The following REEP1 variants were observed in gnomAD, a reference collection of about 807,000 sequenced individuals.
REEP1 encodes the protein receptor expression-enhancing protein 1.
Under a neutral mutation model 40.3 loss-of-function variants are expected in REEP1, and 22 were observed. The observed-to-expected ratio is 0.55, with a 90% confidence interval of 0.39 to 0.78. The LOEUF (loss-of-function observed/expected upper bound fraction) is 0.78. Among genes scored for constraint, REEP1 ranks in the 30% least tolerant of loss-of-function variants. The probability of loss-of-function intolerance (pLI) is 0.00; values close to 1 mark genes in which losing one functional copy is unlikely to be tolerated. For synonymous variants in REEP1, 116 were observed against 139.2 expected (o/e 0.83, Z 1.17); for missense variants, 280 against 361.1 (o/e 0.78, Z 1.82).
At chr2:86,271,760 G>T (rs1677467190) in intron 2 of REEP1, among the ~76,000 whole-genome samples, 1 of 152,224 alleles carries the variant, frequency 6.6e-6, no homozygotes, top group Non-Finnish European at 1.5e-5. Context: ...TTGTCCAGTG[G>T]TAAAGTCTAT....
intron 2 of REEP1, among the ~76,000 whole-genome samples, chr2:86,279,481 G>A (rs1234810316): frequency 6.6e-6 from 1 of 152,200 alleles, no homozygotes; most frequent in East Asian, 1.9e-4. Flanking sequence ...AGGTGTGATA[G>A]GCACAACAAT....
intron 1 of REEP1, among the ~76,000 whole-genome samples, chr2:86,319,458 ACG>A (rs1680183893): frequency 1.4e-5 from 2 of 146,844 alleles, no homozygotes; most frequent in East Asian, 2.0e-4. Context: ...TGGCTCACTC[ACG>A]CCTGTACCCC....
At chr2:86,221,698 T>C (rs998279250) in intron 7 of REEP1, among the ~76,000 whole-genome samples, 1 of 152,132 alleles carries the variant, frequency 6.6e-6, no homozygotes, top group East Asian at 1.9e-4. Flanking sequence ...TCCCTCAGTC[T>C]CTCTGAGCAC....
chr2:86,310,144 C>T (rs957603418), intron 1 of REEP1, among the ~76,000 whole-genome samples: 3 of 152,200 alleles, frequency 2.0e-5, no homozygotes, highest in Non-Finnish European at 4.4e-5. Context: ...CTGTCTTATT[C>T]AGCATCGCCT....
intron 2 of REEP1, among the ~76,000 whole-genome samples, chr2:86,273,098 A>G (rs1677548115): frequency 6.6e-6 from 1 of 151,002 alleles, no homozygotes. Context: ...CTGTGATTAT[A>G]CCACTGTACT....
chr2:86,255,247 G>C (rs763465319), intron 3 of REEP1, among the ~76,000 whole-genome samples: 21 of 146,366 alleles, frequency 1.4e-4, no homozygotes, highest in Non-Finnish European at 2.6e-4. Flanking sequence ...ACACCAGGGG[G>C]AATTACAGCA....
At chr2:86,304,833 C>A (rs1679410935) in intron 1 of REEP1, among the ~76,000 whole-genome samples, 1 of 152,212 alleles carries the variant, frequency 6.6e-6, no homozygotes, top group Non-Finnish European at 1.5e-5. Context: ...AATATAGAAT[C>A]ATGGCTGAGA....
intron 6 of REEP1, 47 bp from the exon 7 acceptor site, chr2:86,227,445 C>G (rs943961791): frequency 8.1e-7 from 1 of 1,230,066 alleles, no homozygotes; most frequent in Admixed American, 4.2e-5. Flanking sequence ...CCCCACTGGA[C>G]AGGAACCAGC....
chr2:86,309,379 C>A (rs545070259), intron 1 of REEP1, among the ~76,000 whole-genome samples: 3 of 152,376 alleles, frequency 2.0e-5, no homozygotes, highest in African/African-American at 7.2e-5. Context: ...TCAGGAGAGA[C>A]CTGAAGACCA....
At chr2:86,328,762 G>A (rs1029722271) in intron 1 of REEP1, among the ~76,000 whole-genome samples, 1 of 152,190 alleles carries the variant, frequency 6.6e-6, no homozygotes. Flanking sequence ...TTGCTTACTC[G>A]GCCTGCAGTG....
chr2:86,260,697 G>A (rs1187728431), intron 3 of REEP1, among the ~76,000 whole-genome samples: 1 of 152,182 alleles, frequency 6.6e-6, no homozygotes, highest in Non-Finnish European at 1.5e-5. Context: ...GGAGACCTCA[G>A]TCCTACAATC....
intron 1 of REEP1, among the ~76,000 whole-genome samples, chr2:86,287,330 C>T (rs1410513566): frequency 6.6e-6 from 1 of 152,108 alleles, no homozygotes; most frequent in Non-Finnish European, 1.5e-5. Flanking sequence ...TCAAGTGATC[C>T]ACCCGCCTCA....
intron 6 of REEP1, among the ~76,000 whole-genome samples, chr2:86,228,222 C>T (rs1378177812): frequency 6.6e-6 from 1 of 152,136 alleles, no homozygotes; most frequent in Non-Finnish European, 1.5e-5. Context: ...CTCTGTGTGC[C>T]AGGCATGTGG....
intron 1 of REEP1, among the ~76,000 whole-genome samples, chr2:86,309,564 A>C (rs1368308522): frequency 6.6e-6 from 1 of 152,220 alleles, no homozygotes; most frequent in Non-Finnish European, 1.5e-5. Flanking sequence ...CTTAAACAAC[A>C]GAAATCCATT....
chr2:86,282,946 T>C (rs1678177944), intron 1 of REEP1, among the ~76,000 whole-genome samples: 3 of 152,240 alleles, frequency 2.0e-5, no homozygotes, highest in Non-Finnish European at 2.9e-5. Context: ...CTCTCCACCA[T>C]GCACTATCCC....
In REEP1 at chr2:86,232,676, G is replaced by A. The variant is rs1356444998; in HGVS notation, c.544C>T (p.His182Tyr). ...PPGSGRASGK[H>Y]GQPKMSRSAS... ...CTCCTGGACATCTTAGGCTGGCCGT[G>A]TTTGCCGCTGGCCCGCCCAGACCCC... Residue 182 changes from histidine (H) to tyrosine (Y), a missense_variant, in exon 6 of 9, where the codon CAC becomes TAC. By Grantham distance (83) the His-to-Tyr change is moderately conservative. Coordinates refer to ENST00000538924, the MANE Select transcript of REEP1 (RefSeq NM_001371279.1). 6.8e-6 allele frequency: 11 copies of A among 1,612,450 alleles called. No homozygotes were observed. Among genetic ancestry groups the A allele is most frequent in the African/African-American group, 2.7e-5 (2 of 74,946 alleles).
Position 86,264,044 on chromosome 2 carries a change from G to A in REEP1, c.106-3C>T, listed in dbSNP as rs1399789157. The A allele has an allele frequency of 6.2e-6, 10 of 1,611,078 alleles. No homozygotes were observed. The Admixed American group carries it at 1.7e-4, about 27-fold the overall frequency. ...ATCCAGTACATCATCCATTTGACCT[G>A]TTGAAACAGAAAGCAACACAGCTGG... is the stretch of plus-strand genomic sequence containing the variant. On this transcript the variant is annotated splice_polypyrimidine_tract_variant and splice_region_variant and intron_variant, in intron 2 of 8. Coordinates refer to ENST00000538924, the MANE Select transcript of REEP1 (RefSeq NM_001371279.1).
chr2:86,282,912 G>T (rs184651824), intron 1 of REEP1, among the ~76,000 whole-genome samples: 222 of 152,182 alleles, frequency 1.5e-3, no homozygotes, highest in Non-Finnish European at 2.3e-3. Flanking sequence ...GGACCTGAAC[G>T]GCAGAGTTCC....
At chr2:86,274,497 G>A (rs1339521128) in intron 2 of REEP1, among the ~76,000 whole-genome samples, 13 of 152,146 alleles carry the variant, frequency 8.5e-5, no homozygotes, top group East Asian at 3.8e-4. Context: ...CAAGGTCAAC[G>A]GAACACTGGT....
Sources: allele counts gnomAD v4.1 joint callset (sites outside exome capture counted in the v4.1 genomes callset), GRCh38; gene constraint gnomAD v4.1.1; transcripts MANE v1.5; gene names NCBI Gene and HGNC (gene_info 2026-07-23, HGNC 2026-07-21).